CCNK: variants seen among roughly 807,000 people sequenced by gnomAD.
CCNK encodes the protein cyclin-K.
Under a neutral mutation model 65.0 loss-of-function variants are expected in CCNK, and 9 were observed. That is an observed-to-expected ratio of 0.14 (90% CI 0.08 to 0.24). CCNK has a LOEUF of 0.24. CCNK is among the 10% of genes least tolerant of loss of function. CCNK has a pLI of 1.00. For synonymous variants in CCNK, 279 were observed against 270.8 expected (o/e 1.03, Z -0.30); for missense variants, 474 against 720.0 (o/e 0.66, Z 3.91).
chr14:99,506,605 G>C (rs3918108), intron 9 of CCNK: 1 of 159,762 alleles, frequency 6.3e-6, no homozygotes, highest in African/African-American at 2.4e-5. Flanking sequence ...CTGGAAGTCA[G>C]TATTTGGGAA....
intron 10 of CCNK, 28 bp from the exon 11 acceptor site, chr14:99,510,129 C>T (rs371645932): frequency 1.9e-5 from 30 of 1,576,718 alleles, no homozygotes; most frequent in African/African-American, 1.2e-4. Context: ...TGGCGGAGGC[C>T]GGGCACTGAT....
intron 1 of CCNK, 125 bp downstream of exon 1, chr14:99,481,604 G>T (rs369853503): frequency 2.5e-6 from 1 of 394,116 alleles, no homozygotes; most frequent in African/African-American, 2.1e-5. Flanking sequence ...GCCTCCCTCC[G>T]CTAACCTCCG....
chr14:99,493,573 C>A lies in CCNK; in HGVS notation c.257C>A (p.Ser86Tyr). 1 of 1,608,194 alleles carries A rather than the reference C, an allele frequency of 6.2e-7. No individual in the cohort carries two copies. Among genetic ancestry groups the A allele is most frequent in the East Asian group, 2.2e-5 (1 of 44,786 alleles). The change falls in exon 3 of 11, where the codon TCC becomes TAC. Residue 86 changes from serine (S) to tyrosine (Y), a missense_variant. By Grantham distance (144) the Ser-to-Tyr change is moderately radical (BLOSUM62 -2). Coordinates refer to ENST00000389879, the MANE Select transcript of CCNK (RefSeq NM_001099402.2). Reference protein sequence around the residue: ...IYFHRFYMFHSFKQFPRYVTG... With the variant: ...IYFHRFYMFHYFKQFPRYVTG... ...TTTCATCGCTTCTATATGTTTCATT[C>A]CTTCAAGCAATTCCCAAGATATGTA...
At chr14:99,496,857 G>C (rs1896711848) in intron 4 of CCNK, among the ~76,000 whole-genome samples, 1 of 150,984 alleles carries the variant, frequency 6.6e-6, no homozygotes, top group South Asian at 2.1e-4. Flanking sequence ...AGGTTGCAGT[G>C]AGCCAAGATT....
At chr14:99,482,862 T>G (rs1896387270) in intron 1 of CCNK, among the ~76,000 whole-genome samples, 1 of 150,404 alleles carries the variant, frequency 6.6e-6, no homozygotes, top group Admixed American at 6.7e-5. Flanking sequence ...GCAGTGACTC[T>G]GCTGAGTGTC....
At chr14:99,489,459 G>A (rs1896556051) in intron 1 of CCNK, among the ~76,000 whole-genome samples, 3 of 152,196 alleles carry the variant, frequency 2.0e-5, no homozygotes, top group Non-Finnish European at 2.9e-5. Context: ...GAGGCCAGGA[G>A]TTCGATGCTG....
chr14:99,503,909 C>T (rs1315173277), intron 9 of CCNK: 1 of 480,910 alleles, frequency 2.1e-6, no homozygotes, highest in Non-Finnish European at 3.7e-6. Context: ...ATAATTATGG[C>T]TGTAGGAGAA....
chr14:99,493,429 GTTGT>G, intron 2 of CCNK, 81 bp from the exon 3 acceptor site: 6 of 770,896 alleles, frequency 7.8e-6, no homozygotes, highest in African/African-American at 3.5e-5. Flanking sequence ...TTTTGTTGTT[GTTGT>G]TTGTCTTTTT....
chr14:99,487,054 G>A (rs1056510105), intron 1 of CCNK, among the ~76,000 whole-genome samples: 1 of 152,132 alleles, frequency 6.6e-6, no homozygotes, highest in African/African-American at 2.4e-5. Flanking sequence ...AAAAGTACAT[G>A]GAAAACTGTT....
chr14:99,500,978 G>A, intron 5 of CCNK, 107 bp downstream of exon 5: 1 of 722,138 alleles, frequency 1.4e-6, no homozygotes, highest in Non-Finnish European at 2.4e-6. Context: ...AGTTTGATGT[G>A]TGAAATACCA....
Position 99,498,078 on chromosome 14 carries a change from A to C in CCNK, c.411+2449A>C, listed in dbSNP as rs1896739342. ...GGGGCAGGTGAACCTTGTGGCTGGCAAGCTGTGCTTAAGGATAAGGCATCA... is the reference window on the plus strand; with the variant it reads ...GGGGCAGGTGAACCTTGTGGCTGGCCAGCTGTGCTTAAGGATAAGGCATCA... On this transcript the variant is annotated intron_variant, in intron 4 of 10. Coordinates refer to ENST00000389879, the MANE Select transcript of CCNK (RefSeq NM_001099402.2). Among the ~76,000 whole-genome samples, 3 of 152,196 alleles carry C rather than the reference A, an allele frequency of 2.0e-5. No individual in the cohort carries two copies. In the South Asian group the frequency reaches 6.2e-4, roughly 32 times the overall value.
chr14:99,493,470 A>G, intron 2 of CCNK, 44 bp from the exon 3 acceptor site: 1 of 1,238,188 alleles, frequency 8.1e-7, no homozygotes, highest in Non-Finnish European at 1.2e-6. Context: ...CTAAGAGTAT[A>G]ACCTGTAAAA....
rs1428836044 is a variant in CCNK at position 99,507,084 on chromosome 14, C to T, written c.1054C>T (p.Pro352Ser). The T allele has an allele frequency of 1.1e-5, 17 of 1,605,676 alleles. No homozygotes were observed. Among genetic ancestry groups the T allele is most frequent in the Non-Finnish European group, 1.4e-5 (16 of 1,172,338 alleles). ...CTGCTTTTTCTTTGTAGAACCACCA[C>T]CACCTAAAATCCCCAAAATTGAGAC... is the stretch of plus-strand genomic sequence containing the variant. ...KEENKAAEPP[P>S]PKIPKIETTH... The change falls in exon 10 of 11, where the codon CCA becomes TCA. Residue 352 changes from proline (P) to serine (S), a missense_variant. Transcript: ENST00000389879.
At chr14:99,509,510 A>ACACGCAGCACG (rs1897062429) in intron 10 of CCNK, 1 of 151,984 alleles carries the variant, frequency 6.6e-6, no homozygotes, top group African/African-American at 2.5e-5. Context: ...GCACGCACAC[A>ACACGCAGCACG]CACGCAGCAC....
rs181165066 is a variant in CCNK, at chr14:99,503,330, C to T, written c.1012-281C>T. 1.6e-4 allele frequency: 98 copies of T among 602,272 alleles called. No individual in the cohort carries two copies. The African/African-American group carries it at 1.7e-3, about 10-fold the overall frequency. The allele number at this position is 602,272 out of a possible 1,614,324, so 37.3% of individuals were successfully genotyped here. On this transcript the variant is annotated intron_variant, in intron 8 of 10. Coordinates refer to ENST00000389879, the MANE Select transcript of CCNK (RefSeq NM_001099402.2). ...CCTGACCCCAAACAGTGGACCGTTT[C>T]CTGCACCCAAGTGGTCCTGAAACTT...
At chr14:99,491,136 G>A (rs897282593) in intron 1 of CCNK, among the ~76,000 whole-genome samples, 2 of 152,120 alleles carry the variant, frequency 1.3e-5, no homozygotes, top group African/African-American at 4.8e-5. Flanking sequence ...GATGATGGGC[G>A]TTTGGGTTGT....
intron 4 of CCNK, chr14:99,500,040 C>A (rs574882607): frequency 6.6e-6 from 1 of 152,120 alleles, no homozygotes; most frequent in African/African-American, 2.4e-5. Flanking sequence ...TGTATCCCAC[C>A]CAAATCCCTT....
chr14:99,498,661 C>T (rs891162951), intron 4 of CCNK, among the ~76,000 whole-genome samples: 12 of 152,152 alleles, frequency 7.9e-5, no homozygotes, highest in African/African-American at 2.4e-4. Context: ...ATGGACTCTG[C>T]AGTTGAGTGG....
At chr14:99,497,788 A>G (rs574883127) in intron 4 of CCNK, among the ~76,000 whole-genome samples, 2 of 152,356 alleles carry the variant, frequency 1.3e-5, no homozygotes, top group South Asian at 4.1e-4. Context: ...TGTGATTAAC[A>G]CTAGTATTTT....
Sources: gnomAD v4.1 joint callset for allele counts (sites outside exome capture counted in the v4.1 genomes callset) on GRCh38, gnomAD v4.1.1 for gene constraint, MANE v1.5 for transcripts, NCBI Gene and HGNC (gene_info 2026-07-23, HGNC 2026-07-21) for gene names.